KLHDC4: variants seen among roughly 807,000 people sequenced by gnomAD.
KLHDC4 encodes kelch domain-containing protein 4.
Under a neutral mutation model 62.4 loss-of-function variants are expected in KLHDC4, and 90 were observed. The observed-to-expected ratio is 1.44, with a 90% CI of 1.22 to 1.72. The LOEUF (loss-of-function observed/expected upper bound fraction) is 1.72, where lower values mean the gene tolerates loss of function less well. Among genes scored for constraint, KLHDC4 ranks in the 40% most tolerant of loss-of-function variants. KLHDC4 has a pLI of 0.00. For synonymous variants in KLHDC4, 386 were observed against 284.4 expected (o/e 1.36, Z -3.59); for missense variants, 1,025 against 699.7 (o/e 1.47, Z -5.25).
intron 4 of KLHDC4, among the ~76,000 whole-genome samples, chr16:87,754,443 C>T (rs886651431): frequency 2.0e-5 from 3 of 152,268 alleles, no homozygotes; most frequent in Non-Finnish European, 2.9e-5. Context: ...TCACACAGCT[C>T]AGGCAGGCAG....
chr16:87,742,249 G>C (rs1011171132), intron 5 of KLHDC4, among the ~76,000 whole-genome samples: 1 of 152,118 alleles, frequency 6.6e-6, no homozygotes, highest in Non-Finnish European at 1.5e-5. Flanking sequence ...CAGGCCGCCT[G>C]CACCCTTCAG....
At chr16:87,725,968 T>C (rs925506816) in intron 7 of KLHDC4, among the ~76,000 whole-genome samples, 11 of 151,946 alleles carry the variant, frequency 7.2e-5, no homozygotes, top group African/African-American at 2.7e-4. Flanking sequence ...GAACACAGAA[T>C]CGCTCACACT....
At chr16:87,733,895 G>T (rs115215426) in intron 5 of KLHDC4, among the ~76,000 whole-genome samples, 1 of 152,296 alleles carries the variant, frequency 6.6e-6, no homozygotes, top group African/African-American at 2.4e-5. Context: ...AGCAACTCTG[G>T]GCTGCAAAGG....
At chr16:87,752,071 C>CA (rs1352435875) in intron 4 of KLHDC4, among the ~76,000 whole-genome samples, 4 of 94,182 alleles carry the variant, frequency 4.2e-5, no homozygotes, top group Admixed American at 1.7e-4. Flanking sequence ...GCCTGGGCAA[C>CA]AGAGTGAGAC....
intron 6 of KLHDC4, among the ~76,000 whole-genome samples, chr16:87,727,450 C>T (rs2039571676): frequency 6.6e-6 from 1 of 152,164 alleles, no homozygotes; most frequent in South Asian, 2.1e-4. Context: ...GGTAAGGCCC[C>T]ACAGTGGACT....
intron 4 of KLHDC4, among the ~76,000 whole-genome samples, chr16:87,752,158 G>C (rs552705736): frequency 7.0e-6 from 1 of 142,338 alleles, no homozygotes; most frequent in Admixed American, 7.2e-5. Flanking sequence ...TGTAATCCCA[G>C]CTCTCAGGGA....
intron 6 of KLHDC4, among the ~76,000 whole-genome samples, chr16:87,729,822 C>T (rs985015887): frequency 6.6e-6 from 1 of 152,212 alleles, no homozygotes; most frequent in Non-Finnish European, 1.5e-5. Flanking sequence ...GTCAACATCA[C>T]CTGGGAGCTT....
At chr16:87,726,132 C>T (rs1425597657) in intron 7 of KLHDC4, among the ~76,000 whole-genome samples, 1 of 152,044 alleles carries the variant, frequency 6.6e-6, no homozygotes, top group Non-Finnish European at 1.5e-5. Context: ...CTTCAATGTT[C>T]ATGAAACTGA....
chr16:87,757,891 AAAAAAC>A (rs2045237716), intron 2 of KLHDC4, among the ~76,000 whole-genome samples: 1 of 152,160 alleles, frequency 6.6e-6, no homozygotes, highest in Non-Finnish European at 1.5e-5. Flanking sequence ...GACTGTCTTA[AAAAAAC>A]AAAAAATAAA....
intron 3 of KLHDC4, 194 bp from the exon 4 acceptor site, chr16:87,755,486 C>A (rs1427865245): frequency 4.3e-6 from 2 of 461,522 alleles, no homozygotes; most frequent in Non-Finnish European, 8.0e-6. Flanking sequence ...GACCGAACGC[C>A]CACCAGGCCC....
At chr16:87,722,642 G>T (rs1484399861) in intron 7 of KLHDC4, among the ~76,000 whole-genome samples, 1 of 152,258 alleles carries the variant, frequency 6.6e-6, no homozygotes, top group Non-Finnish European at 1.5e-5. Flanking sequence ...TAACCAGCAG[G>T]GAGGATGGTG....
In KLHDC4 at chr16:87,762,042, T is replaced by TA. The variant is rs1220444941; in HGVS notation, c.100-3dup. The TA allele has an allele frequency of 2.5e-6, 4 of 1,613,146 alleles. No homozygotes were observed. Among genetic ancestry groups the TA allele is most frequent in the Non-Finnish European group, 2.5e-6 (3 of 1,179,632 alleles). On this transcript the variant is annotated splice_polypyrimidine_tract_variant and splice_region_variant and intron_variant, in intron 1 of 11. Coordinates refer to ENST00000270583, the MANE Select transcript of KLHDC4 (RefSeq NM_017566.4). ...GGCTATGAGCGCTTCCAGGTCTTCCTAGGGCAAGCAAGCAGGCACACGTGA... is the reference window on the plus strand; with the variant it reads ...GGCTATGAGCGCTTCCAGGTCTTCCTAAGGGCAAGCAAGCAGGCACACGTGA...
At chr16:87,701,385 C>G (rs1206659600) in exon 1 of KLHDC4, 2 of 325,504 alleles carry the variant, frequency 6.1e-6, no homozygotes, top group South Asian at 5.1e-5. Flanking sequence ...CAAGCTTCAG[C>G]CCACCCATTA....
chr16:87,714,537 A>T lies in KLHDC4; in HGVS notation c.796T>A (p.Ser266Thr). The part of the protein sequence containing the change: ...KKDVDKGTRH[S>T]DMFLLKPEDG... ...TCTGGCTTCAGCAGGAACATGTCTG[A>T]GTGCCGTGTGCCCTTGTCCACGTCT... is the stretch of plus-strand genomic sequence containing the variant. Residue 266 changes from serine to threonine, a missense_variant, in exon 8 of 12, where the codon TCA (serine) becomes ACA (threonine). Transcript: ENST00000270583. The T allele has an allele frequency of 6.2e-7, 1 of 1,614,144 alleles. No individual in the cohort carries two copies. Among genetic ancestry groups the T allele is most frequent in the Non-Finnish European group, 8.5e-7 (1 of 1,180,004 alleles).
At position 87,714,529 on chromosome 16, in the gene KLHDC4, C is replaced by A. The variant is rs775659899; in HGVS notation, c.804G>T (p.Met268Ile). ...TTCCGTCCTCTGGCTTCAGCAGGAACATGTCTGAGTGCCGTGTGCCCTTGT... is the reference window on the plus strand; with the variant it reads ...TTCCGTCCTCTGGCTTCAGCAGGAAAATGTCTGAGTGCCGTGTGCCCTTGT... The part of the protein sequence containing the change: ...DVDKGTRHSD[M>I]FLLKPEDGRE... The change falls in exon 8 of 12, where the codon ATG becomes ATT. Residue 268 changes from methionine (M) to isoleucine (I), a missense_variant. Coordinates refer to ENST00000270583, the MANE Select transcript of KLHDC4 (RefSeq NM_017566.4). The A allele has an allele frequency of 8.1e-6, 13 of 1,614,204 alleles. No homozygotes were observed. The South Asian group carries it at 1.4e-4, about 18-fold the overall frequency.
At chr16:87,706,097 C>T (rs560974554), downstream of KLHDC4, among the ~76,000 whole-genome samples, 19 of 137,928 alleles carry the variant, frequency 1.4e-4, no homozygotes, top group South Asian at 5.0e-4. Context: ...TTGCGGGGGG[C>T]GGGCGGGCTG....
At chr16:87,745,502 TCTTCCACACAAAGAC>T (rs2042908178) in intron 5 of KLHDC4, among the ~76,000 whole-genome samples, 2 of 152,282 alleles carry the variant, frequency 1.3e-5, no homozygotes, top group South Asian at 4.1e-4. Flanking sequence ...TGTGGCATCA[TCTTCCACACAAAGAC>T]CTTCCTGTTT....
At chr16:87,709,713 A>G in intron 9 of KLHDC4, 46 bp from the exon 10 acceptor site, 2 of 1,511,038 alleles carry the variant, frequency 1.3e-6, no homozygotes, top group South Asian at 1.3e-5. Flanking sequence ...TCAGCGAGGC[A>G]GGGGTCATTC....
intron 5 of KLHDC4, among the ~76,000 whole-genome samples, chr16:87,737,095 A>T (rs1255100986): frequency 9.2e-6 from 1 of 108,316 alleles, no homozygotes; most frequent in Non-Finnish European, 1.8e-5. Context: ...TTTGTACTCC[A>T]GCCTGGGCGA....
Sources: gnomAD v4.1 joint callset for allele counts (sites outside exome capture counted in the v4.1 genomes callset) on GRCh38, gnomAD v4.1.1 for gene constraint, MANE v1.5 for transcripts, NCBI Gene and HGNC (gene_info 2026-07-23, HGNC 2026-07-21) for gene names.